Variants in PGCKA1 observed in about 807,000 individuals in gnomAD.
PGCKA1 encodes the protein PDCD10 and GCKIII kinases-associated protein 1.
chr4:37,587,117 T>A, the PGCKA1 span, among the ~76,000 whole-genome samples: 13 of 152,128 alleles, frequency 8.5e-5, no homozygotes, highest in Admixed American at 3.3e-4. Flanking sequence ...GTACTCTTGG[T>A]TTGTGACCTC....
chr4:37,470,737 T>C, the PGCKA1 span, among the ~76,000 whole-genome samples: 1 of 152,228 alleles, frequency 6.6e-6, no homozygotes. Context: ...ATTTTCATTG[T>C]AAGCCAGTTA....
the PGCKA1 span, among the ~76,000 whole-genome samples, chr4:37,508,693 G>GTTTTTTTTTT: frequency 1.3e-4 from 7 of 53,344 alleles, no homozygotes; most frequent in Non-Finnish European, 2.3e-4. Context: ...CTTTTTTTTA[G>GTTTTTTTTTT]TATTTATTGA....
the PGCKA1 span, among the ~76,000 whole-genome samples, chr4:37,535,179 T>G: frequency 1.3e-5 from 2 of 152,182 alleles, no homozygotes; most frequent in Non-Finnish European, 2.9e-5. Flanking sequence ...AGGCTGTCCA[T>G]GGACACGGCC....
At chr4:37,518,105 T>C in the PGCKA1 span, among the ~76,000 whole-genome samples, 1 of 152,240 alleles carries the variant, frequency 6.6e-6, no homozygotes, top group African/African-American at 2.4e-5. Context: ...CATTCTTTTA[T>C]GGCTGAATAG....
At chr4:37,500,214 G>C in the PGCKA1 span, among the ~76,000 whole-genome samples, 1 of 152,100 alleles carries the variant, frequency 6.6e-6, no homozygotes, top group East Asian at 1.9e-4. Context: ...GTGAGCCACC[G>C]TGCCCAGCCA....
chr4:37,567,936 A>G, the PGCKA1 span, among the ~76,000 whole-genome samples: 1 of 152,254 alleles, frequency 6.6e-6, no homozygotes, highest in Non-Finnish European at 1.5e-5. Context: ...TGTCTGTGAT[A>G]TGCTATCGTA....
chr4:37,525,062 G>C, the PGCKA1 span, among the ~76,000 whole-genome samples: 2 of 152,188 alleles, frequency 1.3e-5, no homozygotes, highest in African/African-American at 4.8e-5. Context: ...GAAAATTAGA[G>C]ACAAAGCAGT....
chr4:37,548,024 G>C, the PGCKA1 span, among the ~76,000 whole-genome samples: 14 of 108,674 alleles, frequency 1.3e-4, no homozygotes, highest in Non-Finnish European at 3.4e-4. Flanking sequence ...AAAAAAAAAG[G>C]GGGGGAGGCA....
chr4:37,467,379 C>T, the PGCKA1 span, among the ~76,000 whole-genome samples: 1 of 152,134 alleles, frequency 6.6e-6, no homozygotes, highest in African/African-American at 2.4e-5. Context: ...CGAGTTTTTG[C>T]AACTCTCATG....
the PGCKA1 span, among the ~76,000 whole-genome samples, chr4:37,562,435 A>G: frequency 6.6e-6 from 1 of 152,230 alleles, no homozygotes; most frequent in Non-Finnish European, 1.5e-5. Context: ...AATGATCCAG[A>G]TTCATGGCCT....
the PGCKA1 span, among the ~76,000 whole-genome samples, chr4:37,483,642 C>A: frequency 2.0e-5 from 3 of 152,352 alleles, no homozygotes; most frequent in Admixed American, 1.3e-4. Context: ...TTCCTGATCA[C>A]CCCTATACGC....
At chr4:37,553,712 G>A in the PGCKA1 span, among the ~76,000 whole-genome samples, 8 of 152,154 alleles carry the variant, frequency 5.3e-5, no homozygotes, top group African/African-American at 1.4e-4. Flanking sequence ...AAATGTGAGC[G>A]TTGTTGTGTT....
chr4:37,514,183 A>G, the PGCKA1 span, among the ~76,000 whole-genome samples: 4 of 152,210 alleles, frequency 2.6e-5, no homozygotes, highest in African/African-American at 9.6e-5. Flanking sequence ...TGCCAATGTT[A>G]TCTCTCAGAG....
chr4:37,454,565 T>G, the PGCKA1 span, among the ~76,000 whole-genome samples: 1 of 151,980 alleles, frequency 6.6e-6, no homozygotes. Context: ...GCCTGGGCAG[T>G]GGGTAGGGGT....
At chr4:37,540,805 G>T in the PGCKA1 span, among the ~76,000 whole-genome samples, 14 of 152,148 alleles carry the variant, frequency 9.2e-5, no homozygotes, top group Non-Finnish European at 2.9e-5. Context: ...GTGGGAGTTG[G>T]GGGGAACCCA....
the PGCKA1 span, among the ~76,000 whole-genome samples, chr4:37,585,053 G>T: frequency 1.6e-5 from 2 of 127,676 alleles, no homozygotes; most frequent in African/African-American, 6.2e-5. Context: ...AGTTGTTGTT[G>T]TTTGTTGGTT....
At chr4:37,521,448 G>T in the PGCKA1 span, among the ~76,000 whole-genome samples, 1 of 152,274 alleles carries the variant, frequency 6.6e-6, no homozygotes, top group Middle Eastern at 3.4e-3. Context: ...TGACCCACTA[G>T]TCATTCAGGA....
the PGCKA1 span, chr4:37,590,059 C>T: frequency 6.4e-7 from 1 of 1,555,734 alleles, no homozygotes; most frequent in East Asian, 2.2e-5. Context: ...TGGAGCAGAC[C>T]TGACTGGTTT....
At chr4:37,461,794 C>T in the PGCKA1 span, among the ~76,000 whole-genome samples, 1 of 152,054 alleles carries the variant, frequency 6.6e-6, no homozygotes, top group South Asian at 2.1e-4. Context: ...GCTTTGCTGT[C>T]CTTTAGCTGT....
Sources: gnomAD v4.1 joint callset for allele counts (sites outside exome capture counted in the v4.1 genomes callset) on GRCh38, gnomAD v4.1.1 for gene constraint, MANE v1.5 for transcripts, NCBI Gene and HGNC (gene_info 2026-07-23, HGNC 2026-07-21) for gene names.